DQX1: variants seen among roughly 807,000 people sequenced by gnomAD.
The protein encoded by DQX1 is DEAQ-box RNA dependent ATPase 1, also known as ATP-dependent RNA helicase homolog DQX1.
DQX1 carries 66 observed loss-of-function variants against 81.3 expected under a neutral mutation model. The observed-to-expected ratio is 0.81, with a 90% CI of 0.67 to 1.00. DQX1 has a LOEUF of 1.00. DQX1 is among the 50% of genes least tolerant of loss of function. The pLI, the probability that DQX1 is intolerant of heterozygous loss-of-function variation, is 0.00. For missense variants in DQX1, 798 were observed against 867.9 expected, an observed-to-expected ratio of 0.92 and a Z score of 1.01; for synonymous variants, 290 against 350.0, an observed-to-expected ratio of 0.83 and a Z score of 1.91.
intron 8 of DQX1, among the ~76,000 whole-genome samples, chr2:74,521,993 G>A (rs550354060): frequency 2.0e-5 from 3 of 152,304 alleles, no homozygotes; most frequent in African/African-American, 4.8e-5. Flanking sequence ...GAACCCTGAG[G>A]ACCAATTTAC....
Position 74,519,183 on chromosome 2 carries a change from A to T in DQX1, c.1854T>A (p.His618Gln), listed in dbSNP as rs370420338. 7.5e-6 allele frequency: 12 copies of T among 1,610,184 alleles called. No homozygotes were observed. The highest frequency in any genetic ancestry group is 6.8e-6 in the Non-Finnish European group (8 of 1,178,030). Residue 618 changes from histidine to glutamine, a missense_variant, in exon 11 of 12, where the codon CAT becomes CAA. Physicochemically the swap from His to Gln is conservative, Grantham distance 24. Coordinates refer to ENST00000404568, the MANE Select transcript of DQX1 (RefSeq NM_133637.3). ...DGTGNYLLLT[H>Q]KHVAQLSSYC... ...ATGAGGAGAGCTGGGCCACATGCTTATGGGTTAGGAGAAGGTAATTTCCAG... is the reference window on the plus strand; with the variant it reads ...ATGAGGAGAGCTGGGCCACATGCTTTTGGGTTAGGAGAAGGTAATTTCCAG...
rs771759955 is a variant in DQX1, at chr2:74,524,316, A to T, written c.432-9T>A. On this transcript the variant is annotated splice_polypyrimidine_tract_variant and intron_variant, in intron 3 of 11. Transcript: ENST00000404568. ...GCCTGTCCCAGCAGAACCTGTTGAC[A>T]TTGGTAGTGGGCAGAGGAATCAGTG... The T allele has an allele frequency of 6.2e-7, 1 of 1,606,456 alleles. No homozygotes were observed. The highest frequency in any genetic ancestry group is 1.1e-5 in the South Asian group (1 of 91,004).
rs781027279 is a variant in DQX1 at position 74,518,388 on chromosome 2, C to A, written c.*58G>T. The A allele has an allele frequency of 6.3e-7, 1 of 1,589,042 alleles. No individual in the cohort carries two copies. The highest frequency in any genetic ancestry group is 8.6e-7 in the Non-Finnish European group (1 of 1,163,666). Reference sequence around the variant, plus strand: ...ATCTGTCTGGGTGCTTTGGTGTCACCCTGAGGGATAATCTAATGTGATGAG... The same window carrying A: ...ATCTGTCTGGGTGCTTTGGTGTCACACTGAGGGATAATCTAATGTGATGAG... On this transcript the variant is annotated 3_prime_UTR_variant, in exon 12 of 12. Coordinates refer to ENST00000404568, the MANE Select transcript of DQX1 (RefSeq NM_133637.3).
rs760123965 is a variant in DQX1 at position 74,523,480 on chromosome 2, C to G, written c.874G>C (p.Gly292Arg). ...AGGGGCAGTACTCGTGGTGGAAGCCCTTGGAGAAGCAAGGACTCTACCTCC... is the reference window on the plus strand; with the variant it reads ...AGGGGCAGTACTCGTGGTGGAAGCCGTTGGAGAAGCAAGGACTCTACCTCC... The part of the protein sequence containing the change: ...SREVESLLLQ[G>R]LPPRVLPLHP... The change falls in exon 5 of 12, where the codon GGG becomes CGG. Residue 292 changes from glycine to arginine, a missense_variant. By Grantham distance (125) the Gly-to-Arg change is moderately radical (BLOSUM62 -2). Transcript: ENST00000404568. 5.8e-5 allele frequency: 93 copies of G among 1,613,820 alleles called. No homozygotes were observed. The highest frequency in any genetic ancestry group is 6.9e-5 in the Non-Finnish European group (81 of 1,179,974).
In DQX1 at chr2:74,522,938, C is replaced by G. The variant is rs770715047; in HGVS notation, c.1221G>C (p.Glu407Asp). ...GTAACACCAGGGAGCTCAGATTCTC[C>G]TCACACACCCTGGGTTGTGGCAATG... ...APPLPQPRVCEENLSSLVLLL... is the reference protein window; with the variant it reads ...APPLPQPRVCDENLSSLVLLL... Residue 407 changes from glutamate (E) to aspartate (D), a missense_variant, in exon 7 of 12, where the codon GAG becomes GAC. Coordinates refer to ENST00000404568, the MANE Select transcript of DQX1 (RefSeq NM_133637.3). 12 of 1,614,076 alleles carry G rather than the reference C, an allele frequency of 7.4e-6. No homozygotes were observed. Among genetic ancestry groups the G allele is most frequent in the Non-Finnish European group, 1.0e-5 (12 of 1,180,046 alleles).
Position 74,518,256 on chromosome 2 carries a change from T to C in DQX1, c.*190A>G, listed in dbSNP as rs189518058. On this transcript the variant is annotated 3_prime_UTR_variant, in exon 12 of 12. Transcript: ENST00000404568. ...TAAGAGAAGGCTAAGGAAAGAGTCC[T>C]TCCCTATGTAGACTGTGGTTTACCC... 2,266 of 582,172 alleles carry C rather than the reference T, an allele frequency of 3.9e-3. 54 individuals are homozygous for C. The highest frequency in any genetic ancestry group is 5.0e-4 in the Non-Finnish European group (172 of 345,656). The allele number at this position is 582,172 out of a possible 1,614,324, so 36.1% of individuals were successfully genotyped here.
In DQX1 at chr2:74,518,355, G is replaced by C; in HGVS notation, c.*91C>G. 1 of 1,486,652 alleles carries C rather than the reference G, an allele frequency of 6.7e-7. No individual in the cohort carries two copies. The highest frequency in any genetic ancestry group is 1.4e-5 in the African/African-American group (1 of 71,456). The allele number at this position is 1,486,652 out of a possible 1,614,324, so 92.1% of individuals were successfully genotyped here. Reference sequence around the variant, plus strand: ...GTTTACATTTGACCCTAAACTTTGGGCTTCTAAATCTGTCTGGGTGCTTTG... The same window carrying C: ...GTTTACATTTGACCCTAAACTTTGGCCTTCTAAATCTGTCTGGGTGCTTTG... On this transcript the variant is annotated 3_prime_UTR_variant, in exon 12 of 12. Transcript: ENST00000404568.
rs545383174 is a variant in DQX1 at position 74,525,975 on chromosome 2, C to T, written c.-20+161G>A. On this transcript the variant is annotated intron_variant, in intron 1 of 11. Transcript: ENST00000404568. This position sits in a 1 kb window ranked among gnomAD's most constrained non-coding sequence, Gnocchi z 4.1. ...AGAAATCTACCTGAGACTATTACCCCGTTGGCAGGTAGTAGAAATCTTACT... is the reference window on the plus strand; with the variant it reads ...AGAAATCTACCTGAGACTATTACCCTGTTGGCAGGTAGTAGAAATCTTACT... 6.6e-6 allele frequency among the ~76,000 whole-genome samples: 1 copy of T among 152,302 alleles called. No individual in the cohort carries two copies. Among genetic ancestry groups the T allele is most frequent in the South Asian group, 2.1e-4 (1 of 4,832 alleles).
chr2:74,525,108 AGGCTCC>A lies in DQX1; in HGVS notation c.326_331del (p.Arg109_Ser110del), dbSNP rs1223135109. ...CATCTCATCAGCAACCCGCAGAGCCAGGCTCCGGGCTGCAAGAGGGTAGGGCTGAGT... is the reference window on the plus strand; with the variant it reads ...CATCTCATCAGCAACCCGCAGAGCCAGGGCTGCAAGAGGGTAGGGCTGAGT... On this transcript the variant is annotated inframe_deletion, in exon 3 of 12. Transcript: ENST00000404568. The surrounding 1 kb of genome is among the most constrained non-coding windows in gnomAD (Gnocchi z 4.1). 6.2e-7 allele frequency: 1 copy of A among 1,614,002 alleles called. No homozygotes were observed. Among genetic ancestry groups the A allele is most frequent in the African/African-American group, 1.3e-5 (1 of 74,934 alleles).
chr2:74,525,829 T>A lies in DQX1; in HGVS notation c.-19-81A>T. The A allele has an allele frequency of 2.1e-6, 2 of 963,162 alleles. No homozygotes were observed. The highest frequency in any genetic ancestry group is 1.7e-5 in the South Asian group (1 of 60,236). The allele number at this position is 963,162 out of a possible 1,614,324, so 59.7% of individuals were successfully genotyped here. Reference sequence around the variant, plus strand: ...CACCTCAGCCCTGATCCTTAACCTCTACCTTCAGTTGATCATGCTCTGGGG... The same window carrying A: ...CACCTCAGCCCTGATCCTTAACCTCAACCTTCAGTTGATCATGCTCTGGGG... On this transcript the variant is annotated intron_variant, in intron 1 of 11. Transcript: ENST00000404568. The surrounding 1 kb of genome is among the most constrained non-coding windows in gnomAD (Gnocchi z 4.1).
chr2:74,523,993 C>T lies in DQX1; in HGVS notation c.746G>A (p.Cys249Tyr). The T allele has an allele frequency of 1.9e-6, 3 of 1,614,034 alleles. No homozygotes were observed. The highest frequency in any genetic ancestry group is 1.7e-6 in the Non-Finnish European group (2 of 1,179,916). Residue 249 changes from cysteine (C) to tyrosine (Y), a missense_variant, in exon 4 of 12, where the codon TGC (cysteine) becomes TAC (tyrosine). Cys to Tyr is a radical substitution (Grantham distance 194). Transcript: ENST00000404568. The stretch of plus-strand genomic sequence containing the variant: ...CCGACACAATTCAAGCACTGCTTGG[C>T]AGGCAGCTTCCACCCGATCAGGTGG... Reference protein sequence around the residue: ...TIPPDRVEAACQAVLELCRKE... With the variant: ...TIPPDRVEAAYQAVLELCRKE...
Position 74,524,248 on chromosome 2 carries a change from C to G in DQX1, c.491G>C (p.Trp164Ser). The change falls in exon 4 of 12, where the codon TGG (tryptophan) becomes TCG (serine). Residue 164 changes from tryptophan to serine, a missense_variant. Transcript: ENST00000404568. ...EVASTRGTGA[W>S]GVLVLDEAQE... ...AGCCTCATCTAGTACCAGCACGCCC[C>G]AGGCTCCAGTGCCTCGGGTCGAGGC... 1 of 1,614,130 alleles carries G rather than the reference C, an allele frequency of 6.2e-7. No individual in the cohort carries two copies. The highest frequency in any genetic ancestry group is 1.7e-5 in the Admixed American group (1 of 60,026).
At chr2:74,521,758 TCCCTCTCCCTCTCTCC>T (rs1675032721) in intron 8 of DQX1, among the ~76,000 whole-genome samples, 2 of 124,934 alleles carry the variant, frequency 1.6e-5, no homozygotes, top group South Asian at 2.6e-4. Context: ...TCCCCCTCTT[TCCCTCTCCCTCTCTCC>T]CCCTCTTTCC....
rs141013840 is a variant in DQX1, at chr2:74,519,456, G to C, written c.1806+100C>G. On this transcript the variant is annotated intron_variant, in intron 10 of 11. Transcript: ENST00000404568. ...CCTTTCTGGTTCTAAAGAATCTTTT[G>C]AATGGCCACCTGGACCCTGATTTCA... 575 of 1,482,202 alleles carry C rather than the reference G, an allele frequency of 3.9e-4. 2 individuals carry two copies. The African/African-American group carries it at 7.6e-3, about 20-fold the overall frequency. The allele number at this position is 1,482,202 out of a possible 1,614,324, so 91.8% of individuals were successfully genotyped here. A position where few individuals can be genotyped will look rare whatever the true frequency, so the allele number is the denominator to read the frequency against.
intron 8 of DQX1, among the ~76,000 whole-genome samples, chr2:74,520,816 G>C (rs1375107044): frequency 2.0e-5 from 3 of 152,044 alleles, no homozygotes; most frequent in Non-Finnish European, 4.4e-5. Flanking sequence ...TGAGACTACA[G>C]GCATATGCCA....
intron 8 of DQX1, among the ~76,000 whole-genome samples, chr2:74,520,572 G>A (rs941217095): frequency 1.3e-5 from 2 of 152,170 alleles, no homozygotes; most frequent in Non-Finnish European, 2.9e-5. Flanking sequence ...AGCTGGAGAG[G>A]TAGGTATAGG....
intron 3 of DQX1, 46 bp downstream of exon 3, chr2:74,524,963 T>C: frequency 6.4e-7 from 1 of 1,565,436 alleles, no homozygotes; most frequent in Non-Finnish European, 8.7e-7. Context: ...TTGTTTCTAC[T>C]GAATAAGGGG....
At position 74,524,224 on chromosome 2, in the gene DQX1, G is replaced by A. The variant is rs773049396; in HGVS notation, c.515C>T (p.Ala172Val). 1 of 1,614,102 alleles carries A rather than the reference G, an allele frequency of 6.2e-7. No individual in the cohort carries two copies. The highest frequency in any genetic ancestry group is 1.3e-5 in the African/African-American group (1 of 74,990). ...ATCTGATGCCACCGACCGCTCCTGA[G>A]CCTCATCTAGTACCAGCACGCCCCA... is the stretch of plus-strand genomic sequence containing the variant. ...GAWGVLVLDEAQERSVASDSL... is the reference protein window; with the variant it reads ...GAWGVLVLDEVQERSVASDSL... The change falls in exon 4 of 12, where the codon GCT becomes GTT. Residue 172 changes from alanine to valine, a missense_variant. By Grantham distance (64) the Ala-to-Val change is moderately conservative (BLOSUM62 0). Transcript: ENST00000404568.
chr2:74,526,048 C>T (rs967027908), intron 1 of DQX1, 88 bp downstream of exon 1: 5 of 321,330 alleles, frequency 1.6e-5, no homozygotes, highest in Non-Finnish European at 2.9e-5. Flanking sequence ...GACCTAGTAA[C>T]CTGTGGGAAA....
Sources: allele counts gnomAD v4.1 joint callset (sites outside exome capture counted in the v4.1 genomes callset), GRCh38; gene constraint gnomAD v4.1.1; non-coding constraint Gnocchi (gnomAD v3.1); transcripts MANE v1.5; gene names NCBI Gene and HGNC (gene_info 2026-07-23, HGNC 2026-07-21).